LNX2: variants seen among roughly 807,000 people sequenced by gnomAD.
LNX2 encodes ligand of numb-protein X 2.
In LNX2, 35 loss-of-function variants were observed where a neutral mutation model predicts 66.2. The ratio of observed to expected loss-of-function variants is 0.53; its 90% CI spans 0.40 to 0.70. LNX2 has a LOEUF of 0.70. Ranked by LOEUF, LNX2 falls within the 30% of genes least tolerant of loss-of-function variation. The probability of loss-of-function intolerance (pLI) is 0.00; values close to 1 mark genes in which losing one functional copy is unlikely to be tolerated. For missense variants in LNX2, 791 were observed against 850.8 expected, an observed-to-expected ratio of 0.93 and a Z score of 0.87; for synonymous variants, 337 against 315.6, an observed-to-expected ratio of 1.07 and a Z score of -0.72.
rs544293317 is a variant in LNX2 at position 27,603,695 on chromosome 13, C to G, written c.-101+16680G>C. ...CAGTCTCTTACCTGTCAAGGGGCAGCCAATCCCTACATAGTTACTGTTGAC... is the reference window on the plus strand; with the variant it reads ...CAGTCTCTTACCTGTCAAGGGGCAGGCAATCCCTACATAGTTACTGTTGAC... On this transcript the variant is annotated intron_variant, in intron 1 of 9. Transcript: ENST00000316334. Among the ~76,000 whole-genome samples the G allele has an allele frequency of 2.0e-5, 3 of 152,202 alleles. No individual in the cohort carries two copies. The South Asian group carries it at 6.2e-4, about 32-fold the overall frequency.
chr13:27,591,780 T>G (rs939660811), intron 1 of LNX2, among the ~76,000 whole-genome samples: 10 of 152,134 alleles, frequency 6.6e-5, no homozygotes, highest in Non-Finnish European at 1.2e-4. Context: ...TTTTAGACGC[T>G]GAAAAGTTTT....
intron 1 of LNX2, among the ~76,000 whole-genome samples, chr13:27,590,416 G>A (rs573739298): frequency 1.3e-5 from 2 of 151,726 alleles, no homozygotes; most frequent in South Asian, 2.1e-4. Context: ...ATGGGTTTTC[G>A]CTATGTTGGT....
chr13:27,611,734 A>T (rs548970559), intron 1 of LNX2, among the ~76,000 whole-genome samples: 4 of 152,246 alleles, frequency 2.6e-5, no homozygotes, highest in Non-Finnish European at 4.4e-5. Flanking sequence ...ACTAGATTTC[A>T]GTACTTAATA....
chr13:27,607,030 TATTA>T (rs1200511711), intron 1 of LNX2, among the ~76,000 whole-genome samples: 4 of 152,206 alleles, frequency 2.6e-5, no homozygotes, highest in South Asian at 2.1e-4. Context: ...CAAATCTAAA[TATTA>T]ATTATCACAT....
chr13:27,569,024 CAT>C lies in LNX2; in HGVS notation c.655+3_655+4del. ...GAAATACACAAGGAGTTGCACCACA[CAT>C]ACTGTCAGCTCCAGCGCTCTCCTCA... On this transcript the variant is annotated splice_donor_region_variant and intron_variant, in intron 3 of 9. Coordinates refer to ENST00000316334, the MANE Select transcript of LNX2 (RefSeq NM_153371.4). The C allele has an allele frequency of 6.2e-7, 1 of 1,611,336 alleles. No individual in the cohort carries two copies. Among genetic ancestry groups the C allele is most frequent in the Non-Finnish European group, 8.5e-7 (1 of 1,178,938 alleles).
At chr13:27,567,943 C>T in intron 3 of LNX2, 104 bp from the exon 4 acceptor site, 7 of 860,400 alleles carry the variant, frequency 8.1e-6, no homozygotes, top group Non-Finnish European at 9.7e-6. Context: ...CACATTAATA[C>T]ATGATTAACA....
chr13:27,553,369 C>T lies in LNX2; in HGVS notation c.1617G>A (p.Leu539=). The T allele has an allele frequency of 6.2e-7, 1 of 1,614,168 alleles. No individual in the cohort carries two copies. Among genetic ancestry groups the T allele is most frequent in the African/African-American group, 1.3e-5 (1 of 75,030 alleles). ...NLSHSEAVAM[L]KASAASPAVA... ...CAGCAGGGGACGCGGCACTGGCTTT[C>T]AGCATTGCAACTGCCTCACTGTGAC... is the stretch of plus-strand genomic sequence containing the variant. Residue 539 remains leucine (L), a synonymous_variant, in exon 8 of 10, where the codon CTG becomes CTA. Coordinates refer to ENST00000316334, the MANE Select transcript of LNX2 (RefSeq NM_153371.4).
At chr13:27,592,705 T>C (rs1378304683) in intron 1 of LNX2, among the ~76,000 whole-genome samples, 1 of 152,200 alleles carries the variant, frequency 6.6e-6, no homozygotes, top group East Asian at 1.9e-4. Flanking sequence ...GGCACCTTTC[T>C]GGGGGACGAA....
chr13:27,569,981 C>T (rs993747332), intron 2 of LNX2, among the ~76,000 whole-genome samples: 1 of 152,102 alleles, frequency 6.6e-6, no homozygotes, highest in Admixed American at 6.5e-5. Context: ...TTTGTTTTTA[C>T]TTATTTAAGC....
chr13:27,594,426 A>C (rs187201368), intron 1 of LNX2, among the ~76,000 whole-genome samples: 5 of 152,192 alleles, frequency 3.3e-5, no homozygotes, highest in Non-Finnish European at 7.4e-5. Flanking sequence ...GATGCTGTCA[A>C]TTTTCATGTA....
chr13:27,613,691 C>A lies in LNX2; in HGVS notation c.-101+6684G>T, dbSNP rs560039774. On this transcript the variant is annotated intron_variant, in intron 1 of 9. Coordinates refer to ENST00000316334, the MANE Select transcript of LNX2 (RefSeq NM_153371.4). ...GCTGAGGCAGGAGAATCACTTGAAC[C>A]TGGGAGGTAGAGGTTGCCATGAGCC... Among the ~76,000 whole-genome samples, 216 of 152,230 alleles carry A rather than the reference C, an allele frequency of 1.4e-3. 2 individuals carry two copies. Among genetic ancestry groups the A allele is most frequent in the South Asian group, 5.0e-3 (24 of 4,824 alleles).
At chr13:27,591,110 A>G (rs746595756) in intron 1 of LNX2, among the ~76,000 whole-genome samples, 9 of 152,228 alleles carry the variant, frequency 5.9e-5, no homozygotes, top group Non-Finnish European at 1.2e-4. Flanking sequence ...GACTAAATAG[A>G]CAATGGCCTC....
rs1440692771 is a variant in LNX2, at chr13:27,548,011, A to C, written c.*324T>G. ...TATGATTCAGTTACTGAAAACAAAGACCCACCAGAAGGTCTTTACTCCATC... is the reference window on the plus strand; with the variant it reads ...TATGATTCAGTTACTGAAAACAAAGCCCCACCAGAAGGTCTTTACTCCATC... On this transcript the variant is annotated 3_prime_UTR_variant, in exon 10 of 10. Transcript: ENST00000316334. 7.3e-6 allele frequency: 2 copies of C among 275,396 alleles called. No individual in the cohort carries two copies. Among genetic ancestry groups the C allele is most frequent in the Non-Finnish European group, 6.9e-6 (1 of 145,224 alleles). The allele number at this position is 275,396 out of a possible 1,614,324, so 17.1% of individuals were successfully genotyped here.
At position 27,600,913 on chromosome 13, in the gene LNX2, C is replaced by G. The variant is rs1393238963; in HGVS notation, c.-100-19110G>C. Among the ~76,000 whole-genome samples, 3 of 152,158 alleles carry G rather than the reference C, an allele frequency of 2.0e-5. 1 individual carries two copies. The highest frequency in any genetic ancestry group is 4.4e-5 in the Non-Finnish European group (3 of 68,042). ...GTAACAAGGCATCAAGTCAACTTCCCCAGAATCACAAAGACTAAAGTGGCT... is the reference window on the plus strand; with the variant it reads ...GTAACAAGGCATCAAGTCAACTTCCGCAGAATCACAAAGACTAAAGTGGCT... On this transcript the variant is annotated intron_variant, in intron 1 of 9. Transcript: ENST00000316334.
chr13:27,590,372 C>T (rs1331435038), intron 1 of LNX2, among the ~76,000 whole-genome samples: 1 of 152,074 alleles, frequency 6.6e-6, no homozygotes, highest in Non-Finnish European at 1.5e-5. Context: ...GCACATGCCA[C>T]CATGCGTGGC....
At chr13:27,585,844 G>A (rs910468173) in intron 1 of LNX2, among the ~76,000 whole-genome samples, 8 of 151,724 alleles carry the variant, frequency 5.3e-5, no homozygotes, top group Non-Finnish European at 8.8e-5. Flanking sequence ...TATTTAAGAC[G>A]ATTATATTTT....
chr13:27,587,878 G>A (rs561357600), intron 1 of LNX2, among the ~76,000 whole-genome samples: 48 of 152,090 alleles, frequency 3.2e-4, no homozygotes, highest in East Asian at 2.3e-3. Context: ...AAAATTAGCC[G>A]GGCATGGTGG....
intron 1 of LNX2, among the ~76,000 whole-genome samples, chr13:27,597,425 T>C (rs1566129997): frequency 6.6e-6 from 1 of 152,196 alleles, no homozygotes; most frequent in Non-Finnish European, 1.5e-5. Context: ...TGGACAGTTA[T>C]GGGGAACAAG....
rs1437215231 is a variant in LNX2, at chr13:27,569,149, C to G, written c.535G>C (p.Asp179His). The G allele has an allele frequency of 1.2e-6, 2 of 1,612,654 alleles. No individual in the cohort carries two copies. Among genetic ancestry groups the G allele is most frequent in the Non-Finnish European group, 1.7e-6 (2 of 1,179,540 alleles). ...DPAGTLSPEA[D>H]CLGTGAVPVE... is the part of the protein sequence containing the mutation. Reference sequence around the variant, plus strand: ...GGCACTGCGCCTGTCCCCAAACAGTCTGCTTCTGGAGATAAGGTACCTGCA... The same window carrying G: ...GGCACTGCGCCTGTCCCCAAACAGTGTGCTTCTGGAGATAAGGTACCTGCA... The change falls in exon 3 of 10, where the codon GAC (aspartate) becomes CAC (histidine). Residue 179 changes from aspartate to histidine, a missense_variant. Asp to His is a moderately conservative substitution (Grantham distance 81, BLOSUM62 -1). Coordinates refer to ENST00000316334, the MANE Select transcript of LNX2 (RefSeq NM_153371.4).
Sources: gnomAD v4.1 joint callset for allele counts (sites outside exome capture counted in the v4.1 genomes callset) on GRCh38, gnomAD v4.1.1 for gene constraint, MANE v1.5 for transcripts, NCBI Gene and HGNC (gene_info 2026-07-23, HGNC 2026-07-21) for gene names.